The following NFIB variants were observed in gnomAD, a reference collection of about 807,000 sequenced individuals.
NFIB encodes the protein nuclear factor 1 B-type.
Under a neutral mutation model 61.5 loss-of-function variants are expected in NFIB, and 11 were observed. The ratio of observed to expected loss-of-function variants is 0.18; its 90% CI spans 0.11 to 0.30. The LOEUF is 0.30. NFIB is among the 10% of genes least tolerant of loss of function. The pLI, the probability that NFIB is intolerant of heterozygous loss-of-function variation, is 1.00. For synonymous variants in NFIB, 260 were observed against 216.5 expected (o/e 1.20, Z -1.76); for missense variants, 471 against 608.9 (o/e 0.77, Z 2.38).
intron 10 of NFIB, among the ~76,000 whole-genome samples, chr9:14,104,529 T>A (rs773561514): frequency 1.3e-5 from 2 of 152,136 alleles, no homozygotes; most frequent in Non-Finnish European, 2.9e-5. Flanking sequence ...TAATGATTTA[T>A]CACTTACTGA....
chr9:14,138,908 G>GTA (rs909916690), intron 6 of NFIB, among the ~76,000 whole-genome samples: 1 of 151,984 alleles, frequency 6.6e-6, no homozygotes, highest in Admixed American at 6.6e-5. Context: ...GTGTGTGTGT[G>GTA]TGTATGTATA....
chr9:14,179,438 C>G lies in NFIB; in HGVS notation c.616+289G>C, dbSNP rs141236047. 2.1e-3 allele frequency among the ~76,000 whole-genome samples: 323 copies of G among 152,174 alleles called. 3 individuals are homozygous for G. The highest frequency in any genetic ancestry group is 7.4e-3 in the African/African-American group (309 of 41,540). On this transcript the variant is annotated intron_variant, in intron 3 of 10. Transcript: ENST00000380953. Reference sequence around the variant, plus strand: ...TTAAAAGGTTCATTGGCTTTTCAAACAGCAATTATTTTAGCACCTAAAAGA... The same window carrying G: ...TTAAAAGGTTCATTGGCTTTTCAAAGAGCAATTATTTTAGCACCTAAAAGA...
chr9:14,497,111 C>G, the NFIB span, among the ~76,000 whole-genome samples: 1 of 152,120 alleles, frequency 6.6e-6, no homozygotes, highest in South Asian at 2.1e-4. Context: ...GAATAGAATG[C>G]CAATTTCTAT....
intron 2 of NFIB, chr9:14,204,954 G>A: frequency 3.0e-6 from 1 of 332,678 alleles, no homozygotes; most frequent in Non-Finnish European, 5.8e-6. Flanking sequence ...CGTCATCACT[G>A]GGGAGGCAAT....
chr9:14,397,236 TTG>T (rs2061696248), intron 1 of NFIB, among the ~76,000 whole-genome samples: 1 of 152,190 alleles, frequency 6.6e-6, no homozygotes, highest in Non-Finnish European at 1.5e-5. Context: ...CAACTATAGG[TTG>T]TTTCTGCAGT....
chr9:14,135,798 A>G (rs1385665488), intron 6 of NFIB, among the ~76,000 whole-genome samples: 1 of 152,182 alleles, frequency 6.6e-6, no homozygotes, highest in African/African-American at 2.4e-5. Flanking sequence ...AATTTATGAA[A>G]TCAGTTCCTT....
At chr9:14,212,838 T>C (rs191827818) in intron 2 of NFIB, among the ~76,000 whole-genome samples, 14 of 152,366 alleles carry the variant, frequency 9.2e-5, no homozygotes, top group Admixed American at 7.8e-4. Context: ...TAGATATTAC[T>C]ATCCCCATTT....
chr9:14,315,764 C>T (rs1273653471), upstream of NFIB, among the ~76,000 whole-genome samples: 1 of 151,896 alleles, frequency 6.6e-6, no homozygotes, highest in Non-Finnish European at 1.5e-5. Context: ...CACCGCCCCC[C>T]AAATCCAGTT....
the NFIB span, among the ~76,000 whole-genome samples, chr9:14,508,799 T>A: frequency 6.6e-6 from 1 of 152,232 alleles, no homozygotes; most frequent in Non-Finnish European, 1.5e-5. Flanking sequence ...CTGGTTTGGA[T>A]CCCCTGTTAG....
chr9:14,142,375 C>A (rs550298409), intron 6 of NFIB, among the ~76,000 whole-genome samples: 5 of 152,230 alleles, frequency 3.3e-5, no homozygotes, highest in Non-Finnish European at 7.4e-5. Flanking sequence ...CTCCTTCCAC[C>A]ATGACTGTGA....
At chr9:14,247,293 C>T (rs1469622006) in intron 2 of NFIB, among the ~76,000 whole-genome samples, 1 of 152,208 alleles carries the variant, frequency 6.6e-6, no homozygotes, top group East Asian at 1.9e-4. Flanking sequence ...TACAAACAGA[C>T]TCATTAATCT....
intron 2 of NFIB, chr9:14,204,792 A>G (rs2049454169): frequency 9.6e-6 from 5 of 522,628 alleles, no homozygotes; most frequent in Non-Finnish European, 1.7e-5. Context: ...CCTTACTGCA[A>G]TATCAAGGGG....
the NFIB span, among the ~76,000 whole-genome samples, chr9:14,412,977 C>T: frequency 6.6e-6 from 1 of 152,180 alleles, no homozygotes; most frequent in Non-Finnish European, 1.5e-5. Context: ...AGCCACAGTA[C>T]AAACCACCCC....
At chr9:14,280,402 C>T (rs1261425683) in intron 2 of NFIB, among the ~76,000 whole-genome samples, 6 of 152,158 alleles carry the variant, frequency 3.9e-5, no homozygotes, top group African/African-American at 1.4e-4. Context: ...TTCACCACCC[C>T]CTTCAAGCCT....
intron 2 of NFIB, among the ~76,000 whole-genome samples, chr9:14,261,220 G>A (rs1189661402): frequency 6.6e-6 from 1 of 152,122 alleles, no homozygotes; most frequent in African/African-American, 2.4e-5. Flanking sequence ...AGGTGGCTGA[G>A]GCAGGAGAAT....
At chr9:14,494,308 T>C in the NFIB span, among the ~76,000 whole-genome samples, 1 of 152,258 alleles carries the variant, frequency 6.6e-6, no homozygotes, top group African/African-American at 2.4e-5. Context: ...GTTACTATTA[T>C]GAAACTTTGA....
intron 1 of NFIB, among the ~76,000 whole-genome samples, chr9:14,312,624 C>T (rs1458345990): frequency 6.6e-6 from 1 of 152,158 alleles, no homozygotes; most frequent in African/African-American, 2.4e-5. Context: ...TAAAGTGATA[C>T]AAATCGTGTT....
intron 2 of NFIB, among the ~76,000 whole-genome samples, chr9:14,206,457 A>C (rs2131680599): frequency 6.6e-6 from 1 of 152,102 alleles, no homozygotes; most frequent in Non-Finnish European, 1.5e-5. Context: ...GTGTGAGCCA[A>C]GCACCTGGCC....
chr9:14,218,058 T>C (rs1431775847), intron 2 of NFIB, among the ~76,000 whole-genome samples: 1 of 152,142 alleles, frequency 6.6e-6, no homozygotes, highest in Non-Finnish European at 1.5e-5. Context: ...CCTGTATTAC[T>C]CTGTAGATTT....
Sources: gnomAD v4.1 joint callset for allele counts (sites outside exome capture counted in the v4.1 genomes callset) on GRCh38, gnomAD v4.1.1 for gene constraint, MANE v1.5 for transcripts, NCBI Gene and HGNC (gene_info 2026-07-23, HGNC 2026-07-21) for gene names.